The following NELL2 variants were observed in gnomAD, a reference collection of about 807,000 sequenced individuals.
NELL2 encodes the protein neural EGFL like 2.
A neutral mutation model predicts 109.6 loss-of-function variants in NELL2; 41 were observed. The ratio of observed to expected loss-of-function variants is 0.37; its 90% CI spans 0.29 to 0.49. The LOEUF (loss-of-function observed/expected upper bound fraction) is 0.49, where lower values mean the gene tolerates loss of function less well. Ranked by LOEUF, NELL2 falls within the 20% of genes least tolerant of loss-of-function variation. NELL2 has a pLI of 0.98. For missense variants in NELL2, 900 were observed against 1,008.3 expected, an observed-to-expected ratio of 0.89 and a Z score of 1.45; for synonymous variants, 355 against 344.7, an observed-to-expected ratio of 1.03 and a Z score of -0.33.
chr12:44,876,370 G>A (rs1177359016), upstream of NELL2: 20 of 1,221,906 alleles, frequency 1.6e-5, no homozygotes, highest in Non-Finnish European at 2.0e-5. Context: ...AGGGAGGGGC[G>A]GGCCGGGGGA....
chr12:44,605,787 T>C (rs1945378453), intron 15 of NELL2, among the ~76,000 whole-genome samples: 2 of 152,136 alleles, frequency 1.3e-5, no homozygotes, highest in Non-Finnish European at 2.9e-5. Flanking sequence ...ACACAAATAT[T>C]GTATTCAGGA....
intron 15 of NELL2, among the ~76,000 whole-genome samples, chr12:44,592,301 T>C (rs551918390): frequency 6.6e-6 from 1 of 152,324 alleles, no homozygotes; most frequent in Admixed American, 6.5e-5. Flanking sequence ...AATGACCAGC[T>C]GATATCTCAG....
chr12:44,556,874 T>C (rs1171849640), intron 15 of NELL2, among the ~76,000 whole-genome samples: 1 of 151,882 alleles, frequency 6.6e-6, no homozygotes, highest in Non-Finnish European at 1.5e-5. Context: ...GAAGAGTGAG[T>C]GATTCAATGT....
chr12:44,837,690 T>C (rs965697308), intron 2 of NELL2, among the ~76,000 whole-genome samples: 16 of 151,474 alleles, frequency 1.1e-4, no homozygotes, highest in African/African-American at 3.2e-4. Context: ...CAAAGAAAGT[T>C]TTTTTTTTTT....
In NELL2 at chr12:44,568,807, C is replaced by T. The variant is rs184980485; in HGVS notation, c.1664-36086G>A. Reference sequence around the variant, plus strand: ...TATATACACATACATATATAGCATGCTGTAATATAGTTAGGCTTTTAAATT... The same window carrying T: ...TATATACACATACATATATAGCATGTTGTAATATAGTTAGGCTTTTAAATT... On this transcript the variant is annotated intron_variant, in intron 15 of 19. Coordinates refer to ENST00000429094, the MANE Select transcript of NELL2 (RefSeq NM_001145108.2). Among the ~76,000 whole-genome samples the T allele has an allele frequency of 5.3e-5, 8 of 151,964 alleles. No homozygotes were observed. In the East Asian group the frequency reaches 1.5e-3, roughly 29 times the overall value.
At chr12:44,876,382 G>T, upstream of NELL2, 2 of 1,240,706 alleles carry the variant, frequency 1.6e-6, no homozygotes, top group Non-Finnish European at 2.0e-6. Context: ...GCCGGGGGAG[G>T]CGGGGTAAGG....
chr12:44,689,836 G>A (rs1948845516), intron 12 of NELL2, among the ~76,000 whole-genome samples: 1 of 152,060 alleles, frequency 6.6e-6, no homozygotes, highest in Non-Finnish European at 1.5e-5. Flanking sequence ...GCACAGGACA[G>A]CCCCACAGAA....
chr12:44,712,270 T>A (rs926608960), intron 10 of NELL2, among the ~76,000 whole-genome samples: 1 of 152,074 alleles, frequency 6.6e-6, no homozygotes, highest in African/African-American at 2.4e-5. Flanking sequence ...AATGCTTTCA[T>A]AGAAGAAGTG....
intron 13 of NELL2, among the ~76,000 whole-genome samples, chr12:44,619,335 T>TTTTA (rs1483891995): frequency 6.6e-6 from 1 of 152,120 alleles, no homozygotes; most frequent in African/African-American, 2.4e-5. Flanking sequence ...TACAACAGAA[T>TTTTA]TTTATTTTGT....
intron 15 of NELL2, among the ~76,000 whole-genome samples, chr12:44,606,334 A>G: frequency 6.6e-6 from 1 of 152,134 alleles, no homozygotes; most frequent in East Asian, 1.9e-4. Flanking sequence ...CATGTACTGT[A>G]TCTATTGCAT....
chr12:44,829,243 A>G (rs1943810901), intron 2 of NELL2, among the ~76,000 whole-genome samples: 1 of 152,178 alleles, frequency 6.6e-6, no homozygotes, highest in Admixed American at 6.5e-5. Context: ...GATGAAGATG[A>G]TGATGATGAT....
At chr12:44,514,872 A>G (rs1018138585) in intron 19 of NELL2, among the ~76,000 whole-genome samples, 5 of 151,266 alleles carry the variant, frequency 3.3e-5, no homozygotes, top group Non-Finnish European at 5.9e-5. Context: ...GGATAAAATC[A>G]TAATGTTGCA....
At chr12:44,639,778 A>G (rs547057455) in intron 13 of NELL2, among the ~76,000 whole-genome samples, 2 of 152,292 alleles carry the variant, frequency 1.3e-5, no homozygotes, top group Admixed American at 6.5e-5. Context: ...CATCAACAGT[A>G]TCATGTCTCT....
rs116762520 is a variant in NELL2 at position 44,805,244 on chromosome 12, C to T, written c.335+10742G>A. 5.4e-3 allele frequency among the ~76,000 whole-genome samples: 821 copies of T among 151,862 alleles called. 7 individuals carry two copies. Among genetic ancestry groups the T allele is most frequent in the African/African-American group, 0.019 (781 of 41,498 alleles). On this transcript the variant is annotated intron_variant, in intron 3 of 19. Transcript: ENST00000429094. ...TACCAATGAAATTTTTTTCATAAAA[C>T]TTAAACTGATTCTAGTTATTCCCAA... is the stretch of plus-strand genomic sequence containing the variant.
chr12:44,623,442 C>G (rs1946128655), intron 13 of NELL2, among the ~76,000 whole-genome samples: 2 of 151,808 alleles, frequency 1.3e-5, no homozygotes, highest in Non-Finnish European at 1.5e-5. Context: ...AAAGGATATT[C>G]TCTTTTGATA....
At chr12:44,884,780 A>G (rs1482028865) in intron 1 of NELL2, among the ~76,000 whole-genome samples, 1 of 152,100 alleles carries the variant, frequency 6.6e-6, no homozygotes, top group East Asian at 1.9e-4. Context: ...TTTACAACCT[A>G]AAGAAGGAAA....
At chr12:44,729,882 C>T (rs2136470914) in intron 9 of NELL2, among the ~76,000 whole-genome samples, 1 of 152,120 alleles carries the variant, frequency 6.6e-6, no homozygotes, top group South Asian at 2.1e-4. Context: ...CAACCTCTGC[C>T]CCTTGGGTTC....
intron 12 of NELL2, among the ~76,000 whole-genome samples, chr12:44,667,979 C>T (rs147863920): frequency 6.6e-6 from 1 of 152,268 alleles, no homozygotes; most frequent in African/African-American, 2.4e-5. Flanking sequence ...GTCCTACAAA[C>T]CCTCCTGAGA....
intron 3 of NELL2, among the ~76,000 whole-genome samples, chr12:44,815,335 T>A (rs899489321): frequency 1.3e-5 from 2 of 152,196 alleles, no homozygotes; most frequent in Admixed American, 6.5e-5. Context: ...TGTCTGTCAA[T>A]GATTACAATT....
Sources: gnomAD v4.1 joint callset for allele counts (sites outside exome capture counted in the v4.1 genomes callset) on GRCh38, gnomAD v4.1.1 for gene constraint, MANE v1.5 for transcripts, NCBI Gene and HGNC (gene_info 2026-07-23, HGNC 2026-07-21) for gene names.